The following AKAP8 variants were observed in gnomAD, a reference collection of about 807,000 sequenced individuals.
AKAP8 encodes A-kinase anchor protein 8.
In AKAP8, 24 loss-of-function variants were observed where a neutral mutation model predicts 67.5. The ratio of observed to expected loss-of-function variants is 0.36; its 90% CI spans 0.26 to 0.50. The LOEUF (loss-of-function observed/expected upper bound fraction) is 0.50, where lower values mean the gene tolerates loss of function less well. Among genes scored for constraint, AKAP8 ranks in the 20% least tolerant of loss-of-function variants. The pLI, the probability that AKAP8 is intolerant of heterozygous loss-of-function variation, is 0.97. For synonymous variants in AKAP8, 400 were observed against 371.1 expected, an observed-to-expected ratio of 1.08 and a Z score of -0.90; for missense variants, 971 against 955.9, an observed-to-expected ratio of 1.02 and a Z score of -0.21.
At chr19:15,370,625 C>CTTTTTTTTTTTTT (rs71176407) in intron 7 of AKAP8, among the ~76,000 whole-genome samples, 1 of 80,968 alleles carries the variant, frequency 1.2e-5, no homozygotes, top group Non-Finnish European at 2.2e-5. Flanking sequence ...TACCCAATGT[C>CTTTTTTTTTTTTT]TTTTTTTTTT....
chr19:15,362,491 G>A (rs1383556208), intron 9 of AKAP8, among the ~76,000 whole-genome samples: 3 of 151,764 alleles, frequency 2.0e-5, no homozygotes, highest in Non-Finnish European at 4.4e-5. Flanking sequence ...CCTACTGCCT[G>A]CGATTGCAGG....
chr19:15,362,195 T>C lies in AKAP8; in HGVS notation c.1217A>G (p.Gln406Arg), dbSNP rs142110198. ...GTGAAATTTGCTTTGCAGATGCTTCTGGATCTCTTCGTCATCAAAGCTACG... is the reference window on the plus strand; with the variant it reads ...GTGAAATTTGCTTTGCAGATGCTTCCGGATCTCTTCGTCATCAAAGCTACG... ...KFRSFDDEEI[Q>R]KHLQSKFHKE... Residue 406 changes from glutamine (Q) to arginine (R), a missense_variant, in exon 10 of 14, where the codon CAG becomes CGG. By Grantham distance (43) the Gln-to-Arg change is conservative. Around this residue, in one of 3 missense-constraint regions of AKAP8, gnomAD observed 763 missense variants for 745.4 expected, o/e 1.02. Coordinates refer to ENST00000269701, the MANE Select transcript of AKAP8 (RefSeq NM_005858.4). 101 of 1,614,052 alleles carry C rather than the reference T, an allele frequency of 6.3e-5. No individual in the cohort carries two copies. The highest frequency in any genetic ancestry group is 8.1e-5 in the Non-Finnish European group (95 of 1,180,030).
intron 12 of AKAP8, among the ~76,000 whole-genome samples, chr19:15,359,425 A>G (rs377158453): frequency 1.9e-4 from 29 of 152,252 alleles, no homozygotes; most frequent in African/African-American, 7.0e-4. Flanking sequence ...GTTCAACAAC[A>G]AAAGTATGAA....
At chr19:15,370,204 C>T (rs762909315) in intron 7 of AKAP8, 25 bp from the exon 8 acceptor site, 20 of 1,613,900 alleles carry the variant, frequency 1.2e-5, no homozygotes, top group East Asian at 2.2e-5. Flanking sequence ...ACACAAAGTC[C>T]GGCAGTGAGC....
intron 1 of AKAP8, among the ~76,000 whole-genome samples, chr19:15,377,666 C>T (rs1271346712): frequency 1.3e-5 from 2 of 152,294 alleles, no homozygotes; most frequent in African/African-American, 4.8e-5. Context: ...GACGGGGTTT[C>T]ACCATGTTAG....
intron 8 of AKAP8, 25 bp from the exon 9 acceptor site, chr19:15,368,347 A>G (rs1368366312): frequency 6.2e-7 from 1 of 1,612,910 alleles, no homozygotes; most frequent in Non-Finnish European, 8.5e-7. Flanking sequence ...TCCCTTCGAG[A>G]CGCTCTGAGT....
rs776879733 is a variant in AKAP8, at chr19:15,369,133, CAAA to C, written c.1073-814_1073-812del. 1.0e-6 allele frequency: 1 copy of C among 985,454 alleles called. No individual in the cohort carries two copies. The highest frequency in any genetic ancestry group is 1.2e-6 in the Non-Finnish European group (1 of 829,962). 61.0% of individuals were successfully genotyped at this position (985,454 alleles called of 1,614,324 possible). A position where few individuals can be genotyped will look rare whatever the true frequency, so the allele number is the denominator to read the frequency against. ...CGGCGTGCGCTGCTCAGAAGCCTCTCAAAAGGGCGTGTGGGATTTTTGGCAAGA... is the reference window on the plus strand; with the variant it reads ...CGGCGTGCGCTGCTCAGAAGCCTCTCAGGGCGTGTGGGATTTTTGGCAAGA... On this transcript the variant is annotated intron_variant, in intron 8 of 13. Coordinates refer to ENST00000269701, the MANE Select transcript of AKAP8 (RefSeq NM_005858.4). The surrounding 1 kb of genome is among the most constrained non-coding windows in gnomAD (Gnocchi z 4.6).
At chr19:15,361,913 G>C in intron 10 of AKAP8, 91 bp from the exon 11 acceptor site, 2 of 1,388,594 alleles carry the variant, frequency 1.4e-6, no homozygotes, top group Admixed American at 3.6e-5. Flanking sequence ...GCAGCTATCA[G>C]AGCAGCTGCG....
At position 15,373,272 on chromosome 19, in the gene AKAP8, C is replaced by G; in HGVS notation, c.440G>C (p.Arg147Pro). Residue 147 changes from arginine to proline, a missense_variant, in exon 5 of 14, where the codon CGC (arginine) becomes CCC (proline). By Grantham distance (103) the Arg-to-Pro change is moderately radical (BLOSUM62 -2). This residue lies in a region of AKAP8 where 763 missense variants were observed against 745.4 expected (regional missense o/e 1.02). Coordinates refer to ENST00000269701, the MANE Select transcript of AKAP8 (RefSeq NM_005858.4). ...CTCATAGTCGTAGCTGTAGCTGGGG[C>G]GGTAGGGGTTGTGCTCCGGCAGGCA... ...RPCLPEHNPY[R>P]PSYSYDYEFD... 1 of 1,613,854 alleles carries G rather than the reference C, an allele frequency of 6.2e-7. No individual in the cohort carries two copies. Among genetic ancestry groups the G allele is most frequent in the Non-Finnish European group, 8.5e-7 (1 of 1,179,992 alleles).
intron 7 of AKAP8, among the ~76,000 whole-genome samples, chr19:15,370,425 A>T (rs188090160): frequency 1.3e-5 from 2 of 151,816 alleles, no homozygotes; most frequent in Admixed American, 1.3e-4. Context: ...AAAGCCATTC[A>T]CCCACCCTCT....
At position 15,354,607 on chromosome 19, in the gene AKAP8, T is replaced by C. The variant is rs578006646; in HGVS notation, c.*308A>G. ...AGGAAGCATTCCATCAGTGGCTGTA[T>C]TGAACAAGTAATGTATCATCAAGAT... is the stretch of plus-strand genomic sequence containing the variant. On this transcript the variant is annotated 3_prime_UTR_variant, in exon 14 of 14. Transcript: ENST00000269701. 1 of 350,730 alleles carries C rather than the reference T, an allele frequency of 2.9e-6. No individual in the cohort carries two copies. Among genetic ancestry groups the C allele is most frequent in the African/African-American group, 2.0e-5 (1 of 49,076 alleles). The allele number at this position is 350,730 out of a possible 1,614,324, so 21.7% of individuals were successfully genotyped here.
At position 15,372,979 on chromosome 19, in the gene AKAP8, G is replaced by T. The variant is rs1215374622; in HGVS notation, c.733C>A (p.Pro245Thr). The change falls in exon 5 of 14, where the codon CCG (proline) becomes ACG (threonine). Residue 245 changes from proline (P) to threonine (T), a missense_variant. Pro to Thr is a conservative substitution (Grantham distance 38). Around this residue, in one of 3 missense-constraint regions of AKAP8, gnomAD observed 763 missense variants for 745.4 expected, o/e 1.02. Coordinates refer to ENST00000269701, the MANE Select transcript of AKAP8 (RefSeq NM_005858.4). ...LGGPSPSRPP[P>T]SLFSQSMAPD... ...GCCATGGACTGGGAGAAGAGGGACGGAGGTGGCCGGCTGGGGGAGGGCCCT... is the reference window on the plus strand; with the variant it reads ...GCCATGGACTGGGAGAAGAGGGACGTAGGTGGCCGGCTGGGGGAGGGCCCT... 6.4e-7 allele frequency: 1 copy of T among 1,565,650 alleles called. No homozygotes were observed. Among genetic ancestry groups the T allele is most frequent in the Non-Finnish European group, 8.7e-7 (1 of 1,155,460 alleles).
Position 15,373,158 on chromosome 19 carries a change from C to T in AKAP8, c.554G>A (p.Gly185Asp), listed in dbSNP as rs1967191842. ...DPARERGSLD[G>D]FMRGRGQGRF... ...GCCCTGGCCCCGGCCCCGCATGAAG[C>T]CATCAAGGGAGCCCCGCTCCCGGGC... Residue 185 changes from glycine to aspartate, a missense_variant, in exon 5 of 14, where the codon GGC (glycine) becomes GAC (aspartate). Physicochemically the swap from Gly to Asp is moderately conservative, Grantham distance 94. Around this residue, in one of 3 missense-constraint regions of AKAP8, gnomAD observed 763 missense variants for 745.4 expected, o/e 1.02. Coordinates refer to ENST00000269701, the MANE Select transcript of AKAP8 (RefSeq NM_005858.4). 1 of 1,613,448 alleles carries T rather than the reference C, an allele frequency of 6.2e-7. No homozygotes were observed. Among genetic ancestry groups the T allele is most frequent in the Non-Finnish European group, 8.5e-7 (1 of 1,179,996 alleles).
chr19:15,362,421 G>T (rs1194592830), intron 9 of AKAP8, among the ~76,000 whole-genome samples, 170 bp from the exon 10 acceptor site: 3 of 31,226 alleles, frequency 9.6e-5, no homozygotes, highest in Admixed American at 7.1e-4. Context: ...GAAGCTGGAC[G>T]GTACTGCTGC....
At chr19:15,363,752 G>T (rs897817477) in intron 9 of AKAP8, among the ~76,000 whole-genome samples, 6 of 152,208 alleles carry the variant, frequency 3.9e-5, no homozygotes, top group Admixed American at 2.6e-4. Flanking sequence ...GAAATCGGAT[G>T]GTTGCTGTGT....
chr19:15,366,916 T>G (rs1248660433), intron 9 of AKAP8, among the ~76,000 whole-genome samples: 1 of 151,458 alleles, frequency 6.6e-6, no homozygotes, highest in African/African-American at 2.4e-5. Context: ...GCCCGTTTCT[T>G]TTTCTTTTTG....
Position 15,355,233 on chromosome 19 carries a change from C to T in AKAP8, c.1761G>A (p.Arg587=), listed in dbSNP as rs1306587481. The part of the protein sequence containing the change: ...VLAEVITAAV[R]AVDGEGAPAP... ...CGGGCGCTCCTTCCCCATCTACGGCCCTCACTGCTGCTGTAATCACCTCTG... is the reference window on the plus strand; with the variant it reads ...CGGGCGCTCCTTCCCCATCTACGGCTCTCACTGCTGCTGTAATCACCTCTG... The change falls in exon 14 of 14, where the codon AGG becomes AGA. Residue 587 remains arginine, a synonymous_variant. Coordinates refer to ENST00000269701, the MANE Select transcript of AKAP8 (RefSeq NM_005858.4). The T allele has an allele frequency of 1.2e-5, 20 of 1,611,588 alleles. No homozygotes were observed. Among genetic ancestry groups the T allele is most frequent in the East Asian group, 2.2e-5 (1 of 44,898 alleles).
chr19:15,373,369 C>A lies in AKAP8; in HGVS notation c.372-29G>T, dbSNP rs375145708. The A allele has an allele frequency of 7.0e-6, 11 of 1,571,428 alleles. No homozygotes were observed. In the African/African-American group the frequency reaches 1.3e-4, roughly 19 times the overall value. Reference sequence around the variant, plus strand: ...CAACAGAAGCACAGCCCATCAGGGGCGGTCACCCCGATCACCCACTGCCAC... The same window carrying A: ...CAACAGAAGCACAGCCCATCAGGGGAGGTCACCCCGATCACCCACTGCCAC... On this transcript the variant is annotated intron_variant, in intron 4 of 13. Coordinates refer to ENST00000269701, the MANE Select transcript of AKAP8 (RefSeq NM_005858.4).
In AKAP8 at chr19:15,361,956, G is replaced by A. The variant is rs746422670; in HGVS notation, c.1303-134C>T. 33 of 1,348,000 alleles carry A rather than the reference G, an allele frequency of 2.4e-5. No individual in the cohort carries two copies. In the South Asian group the frequency reaches 3.1e-4, roughly 13 times the overall value. 83.5% of individuals were successfully genotyped at this position (1,348,000 alleles called of 1,614,324 possible). A position where few individuals can be genotyped will look rare whatever the true frequency, so the allele number is the denominator to read the frequency against. On this transcript the variant is annotated intron_variant, in intron 10 of 13. Transcript: ENST00000269701. ...GCACAGCACGATGGCTGGAGCTCCC[G>A]GTTGTCCCTGTGACTCAGGGACTTA...
Sources: allele counts gnomAD v4.1 joint callset (sites outside exome capture counted in the v4.1 genomes callset), GRCh38; gene constraint gnomAD v4.1.1; regional missense constraint gnomAD v4.1.1; non-coding constraint Gnocchi (gnomAD v3.1); transcripts MANE v1.5; gene names NCBI Gene and HGNC (gene_info 2026-07-23, HGNC 2026-07-21).